The following DPP10 variants were observed in gnomAD, a reference collection of about 807,000 sequenced individuals.
DPP10 encodes dipeptidyl peptidase like 10.
Under a neutral mutation model 120.9 loss-of-function variants are expected in DPP10, and 33 were observed. That is an observed-to-expected ratio of 0.27 (90% CI 0.21 to 0.37). The LOEUF (loss-of-function observed/expected upper bound fraction) is 0.37, where lower values mean the gene tolerates loss of function less well. DPP10 is among the 10% of genes least tolerant of loss of function. The pLI is 1.00. For missense variants in DPP10, 816 were observed against 942.8 expected (o/e 0.87, Z 1.76); for synonymous variants, 337 against 326.1 (o/e 1.03, Z -0.36).
intron 3 of DPP10, among the ~76,000 whole-genome samples, chr2:115,401,708 A>G (rs2068085478): frequency 6.6e-6 from 1 of 152,178 alleles, no homozygotes; most frequent in Non-Finnish European, 1.5e-5. Flanking sequence ...CATCAAAGCT[A>G]ATTTTAACAC....
chr2:115,060,719 A>G (rs17043951), intron 1 of DPP10, among the ~76,000 whole-genome samples: 22,221 of 152,174 alleles, frequency 0.15, 1,727 homozygotes, highest in African/African-American at 0.21. Flanking sequence ...TATTATTCTG[A>G]CAGGTTTCAT....
At chr2:115,096,368 C>T (rs550208215) in intron 1 of DPP10, among the ~76,000 whole-genome samples, 9 of 152,108 alleles carry the variant, frequency 5.9e-5, no homozygotes, top group Non-Finnish European at 5.9e-5. Flanking sequence ...TAAATATATG[C>T]GTTGATATGC....
intron 1 of DPP10, among the ~76,000 whole-genome samples, chr2:114,871,013 C>A (rs1310158066): frequency 2.3e-5 from 3 of 133,230 alleles, no homozygotes; most frequent in African/African-American, 7.8e-5. Context: ...TTAATTTAAG[C>A]AGCATCCCTC....
chr2:114,460,214 T>TATC (rs1553444599), intron 1 of DPP10, among the ~76,000 whole-genome samples: 2 of 134,474 alleles, frequency 1.5e-5, no homozygotes, highest in African/African-American at 5.2e-5. Flanking sequence ...TCTATCTATC[T>TATC]ATCTATCTAT....
At chr2:115,775,755 A>T (rs1056542273) in intron 13 of DPP10, among the ~76,000 whole-genome samples, 2 of 152,184 alleles carry the variant, frequency 1.3e-5, no homozygotes, top group African/African-American at 4.8e-5. Flanking sequence ...AAGCTTAAAA[A>T]TACTAAACCA....
At chr2:114,947,145 T>C (rs1191919409) in intron 1 of DPP10, among the ~76,000 whole-genome samples, 1 of 152,006 alleles carries the variant, frequency 6.6e-6, no homozygotes, top group Non-Finnish European at 1.5e-5. Context: ...TTTTTTTTAG[T>C]TCTGTGTCCT....
At chr2:115,781,850 A>G (rs1456906062) in intron 16 of DPP10, among the ~76,000 whole-genome samples, 2 of 152,046 alleles carry the variant, frequency 1.3e-5, no homozygotes, top group African/African-American at 4.8e-5. Flanking sequence ...TGTATTTTAA[A>G]TATTTGAAGA....
intron 3 of DPP10, among the ~76,000 whole-genome samples, chr2:115,387,061 G>A (rs928158962): frequency 3.9e-5 from 6 of 152,040 alleles, no homozygotes; most frequent in African/African-American, 1.4e-4. Context: ...AACATATGAT[G>A]AAGTAGAGAG....
At chr2:115,421,844 C>T (rs2104687856) in intron 3 of DPP10, among the ~76,000 whole-genome samples, 2 of 139,074 alleles carry the variant, frequency 1.4e-5, no homozygotes, top group African/African-American at 5.6e-5. Context: ...GCACTCCAGC[C>T]TGGCGACAGA....
intron 1 of DPP10, among the ~76,000 whole-genome samples, chr2:114,919,405 A>G (rs949242057): frequency 2.0e-5 from 3 of 152,230 alleles, no homozygotes; most frequent in Admixed American, 1.3e-4. Context: ...CTGAAAGAAG[A>G]TAAGAATTCC....
At chr2:115,115,077 C>T (rs1285588669) in intron 1 of DPP10, among the ~76,000 whole-genome samples, 2 of 151,720 alleles carry the variant, frequency 1.3e-5, no homozygotes, top group Non-Finnish European at 2.9e-5. Context: ...ATGTGTATGA[C>T]CGATATGTGT....
intron 11 of DPP10, among the ~76,000 whole-genome samples, chr2:115,753,830 T>C (rs1380651768): frequency 6.6e-6 from 1 of 152,134 alleles, no homozygotes; most frequent in East Asian, 1.9e-4. Flanking sequence ...TGTGGTAAAT[T>C]CAATGTGTCA....
At chr2:114,585,990 G>C (rs114315823) in intron 1 of DPP10, among the ~76,000 whole-genome samples, 2,600 of 152,290 alleles carry the variant, frequency 0.017, 71 homozygotes, top group African/African-American at 0.06. Context: ...GCTCACACCT[G>C]TAATCCCAGC....
chr2:114,909,351 T>C (rs1185038824), intron 1 of DPP10, among the ~76,000 whole-genome samples: 1 of 152,042 alleles, frequency 6.6e-6, no homozygotes, highest in Non-Finnish European at 1.5e-5. Flanking sequence ...AATAATTCTT[T>C]AGCTGGAAGA....
At chr2:115,697,854 G>A (rs1262813979) in intron 7 of DPP10, among the ~76,000 whole-genome samples, 2 of 152,000 alleles carry the variant, frequency 1.3e-5, no homozygotes, top group African/African-American at 2.4e-5. Flanking sequence ...GCGTGGTGGC[G>A]GGCGCCTGTA....
intron 1 of DPP10, among the ~76,000 whole-genome samples, chr2:114,501,438 T>C (rs991067892): frequency 6.6e-6 from 1 of 152,174 alleles, no homozygotes; most frequent in Non-Finnish European, 1.5e-5. Flanking sequence ...AAAATTTTGT[T>C]GTCCTCATAA....
intron 1 of DPP10, among the ~76,000 whole-genome samples, chr2:114,981,028 G>T (rs1700057682): frequency 2.0e-5 from 3 of 147,026 alleles, no homozygotes; most frequent in African/African-American, 5.0e-5. Flanking sequence ...TAGCTGTTCT[G>T]CAGTGAGTGT....
chr2:115,643,956 T>C (rs2087002740), intron 5 of DPP10, among the ~76,000 whole-genome samples: 2 of 152,184 alleles, frequency 1.3e-5, no homozygotes, highest in Non-Finnish European at 1.5e-5. Flanking sequence ...TCTTTATCTT[T>C]GTTGGTACTT....
At chr2:114,479,718 G>C (rs537822520) in intron 1 of DPP10, among the ~76,000 whole-genome samples, 35 of 152,242 alleles carry the variant, frequency 2.3e-4, no homozygotes, top group Non-Finnish European at 4.6e-4. Flanking sequence ...GTTAATTCAA[G>C]ATGGTTAAAG....
Sources: allele counts gnomAD v4.1 joint callset (sites outside exome capture counted in the v4.1 genomes callset), GRCh38; gene constraint gnomAD v4.1.1; transcripts MANE v1.5; gene names NCBI Gene and HGNC (gene_info 2026-07-23, HGNC 2026-07-21).